Variants in RPS29 observed in about 807,000 individuals in gnomAD.
RPS29 encodes the protein small ribosomal subunit protein uS14.
For synonymous variants in RPS29, 37 were observed against 26.9 expected (o/e 1.37, Z -1.16); for missense variants, 60 against 75.7 (o/e 0.79, Z 0.77).
At chr14:49,580,774 A>G (rs1203211309), downstream of RPS29, among the ~76,000 whole-genome samples, 3 of 151,996 alleles carry the variant, frequency 2.0e-5, no homozygotes, top group East Asian at 1.9e-4. Context: ...AATCCCAGCT[A>G]CCTGGCAGGC....
chr14:49,588,561 TCTGTCGCCCAGG>T (rs912687272), upstream of RPS29, among the ~76,000 whole-genome samples: 3 of 151,864 alleles, frequency 2.0e-5, no homozygotes, highest in Non-Finnish European at 4.4e-5. Flanking sequence ...GGAGTCTCAC[TCTGTCGCCCAGG>T]CTGGAGTGCA....
downstream of RPS29, among the ~76,000 whole-genome samples, chr14:49,581,176 G>A (rs1191723022): frequency 6.6e-6 from 1 of 151,512 alleles, no homozygotes; most frequent in Non-Finnish European, 1.5e-5. Flanking sequence ...GGCAACATGA[G>A]CAAAACTCTA....
Position 49,573,103 on chromosome 14 carries a change from G to GAAAGAAAGAAAGAAAGAAA in RPS29, c.*4708_*4709insTTTCTTTCTTTCTTTCTTT, listed in dbSNP as rs1566473648. On this transcript the variant is annotated 3_prime_UTR_variant, in exon 3 of 3. Transcript: ENST00000396020. ...AAAGAAGAAAGAAAGAAAGAAAGAA[G>GAAAGAAAGAAAGAAAGAAA]GAAAGAAAGAAAGAAAGAAAGAGAA... 191 of 142,556 alleles carry GAAAGAAAGAAAGAAAGAAA rather than the reference G, an allele frequency of 1.3e-3. 2 individuals carry two copies. Among genetic ancestry groups the GAAAGAAAGAAAGAAAGAAA allele is most frequent in the African/African-American group, 4.7e-3 (180 of 38,362 alleles). The allele number at this position is 142,556 out of a possible 1,614,324, so 8.8% of individuals were successfully genotyped here.
upstream of RPS29, chr14:49,586,456 C>T (rs936662880): frequency 1.2e-5 from 11 of 948,678 alleles, no homozygotes; most frequent in Admixed American, 1.3e-4. Context: ...GAAACGCGTG[C>T]GCAGTGTGGT....
chr14:49,578,242 T>C (rs1480134484), intron 2 of RPS29, among the ~76,000 whole-genome samples: 1 of 152,030 alleles, frequency 6.6e-6, no homozygotes, highest in Admixed American at 6.6e-5. Flanking sequence ...CAAAGCAATC[T>C]AAAAATAGAA....
chr14:49,591,261 A>G (rs1594577343), upstream of RPS29, among the ~76,000 whole-genome samples: 1 of 150,890 alleles, frequency 6.6e-6, no homozygotes, highest in East Asian at 1.9e-4. Flanking sequence ...GTCCAAACCA[A>G]CAAGTTAGCA....
downstream of RPS29, chr14:49,583,462 C>T (rs1029646191): frequency 6.6e-6 from 3 of 456,828 alleles, no homozygotes; most frequent in Non-Finnish European, 7.8e-6. Flanking sequence ...GCCGAGATCG[C>T]GCCACTGCAC....
chr14:49,583,517 A>G (rs1881406840), downstream of RPS29: 4 of 835,064 alleles, frequency 4.8e-6, no homozygotes, highest in Admixed American at 3.5e-5. Flanking sequence ...AAAAAAAAAG[A>G]AAAAGATTTC....
chr14:49,594,723 C>T (rs1881783275), intron 1 of RPS29, among the ~76,000 whole-genome samples: 1 of 152,240 alleles, frequency 6.6e-6, no homozygotes, highest in Non-Finnish European at 1.5e-5. Context: ...ACATCCTTCA[C>T]ACATGTCCTC....
rs1881531435 is a variant in RPS29, at chr14:49,585,937, T to C, written c.162+13A>G. The C allele has an allele frequency of 1.2e-6, 2 of 1,606,754 alleles. No individual in the cohort carries two copies. The highest frequency in any genetic ancestry group is 2.2e-5 in the East Asian group (1 of 44,840). On this transcript the variant is annotated intron_variant, in intron 2 of 2. Transcript: ENST00000245458. Reference sequence around the variant, plus strand: ...CTGCCCAAACAACATGGAGTACGCCTGCAGACGCCTACCTTAATGAAACCG... The same window carrying C: ...CTGCCCAAACAACATGGAGTACGCCCGCAGACGCCTACCTTAATGAAACCG...
At chr14:49,582,572 A>G (rs1299653011), downstream of RPS29, among the ~76,000 whole-genome samples, 1 of 152,086 alleles carries the variant, frequency 6.6e-6, no homozygotes, top group Non-Finnish European at 1.5e-5. Context: ...TCAATTGAGA[A>G]GTTTTCATTC....
intron 1 of RPS29, 62 bp downstream of exon 1, chr14:49,586,223 A>G: frequency 6.4e-7 from 1 of 1,559,202 alleles, no homozygotes; most frequent in Non-Finnish European, 8.9e-7. Flanking sequence ...CCTCTACTTG[A>G]GATTTTAAGC....
upstream of RPS29, among the ~76,000 whole-genome samples, chr14:49,590,915 T>C (rs1881696930): frequency 6.6e-6 from 1 of 152,118 alleles, no homozygotes; most frequent in African/African-American, 2.4e-5. Flanking sequence ...GGTCTCGAAC[T>C]TCTGGCCTCT....
chr14:49,586,569 G>T (rs116500768), upstream of RPS29: 1 of 562,886 alleles, frequency 1.8e-6, no homozygotes, highest in South Asian at 2.1e-5. Context: ...ATTCTGCGCC[G>T]GTATCCGACC....
chr14:49,587,695 G>A (rs867386160), upstream of RPS29, among the ~76,000 whole-genome samples: 14 of 152,162 alleles, frequency 9.2e-5, no homozygotes, highest in African/African-American at 2.4e-4. Context: ...AACATACAAC[G>A]TTTGTGCACC....
At chr14:49,579,244 T>C (rs534321742), downstream of RPS29, among the ~76,000 whole-genome samples, 3 of 152,312 alleles carry the variant, frequency 2.0e-5, no homozygotes, top group Non-Finnish European at 2.9e-5. Context: ...GCACCATTTA[T>C]GAGTCAGGAA....
rs553370060 is a variant in RPS29, at chr14:49,591,912, G to A, written c.-132-5434C>T. Among the ~76,000 whole-genome samples, 71 of 151,938 alleles carry A rather than the reference G, an allele frequency of 4.7e-4. 1 individual carries two copies. The highest frequency in any genetic ancestry group is 7.7e-4 in the East Asian group (4 of 5,162). On this transcript the variant is annotated intron_variant, in intron 1 of 3. Coordinates refer to the RPS29 transcript ENST00000556230. ...TGGGATTGCAGGCATGAGCCACCAC[G>A]CCCGGCCCCAATTTGATTTTTTAAA... is the stretch of plus-strand genomic sequence containing the variant.
At chr14:49,598,624 G>C in exon 1 of RPS29, 1 of 701,436 alleles carries the variant, frequency 1.4e-6, no homozygotes, top group Non-Finnish European at 2.6e-6. Context: ...TCGGGAAACA[G>C]CGGCCCGACG....
intron 1 of RPS29, among the ~76,000 whole-genome samples, chr14:49,595,928 G>A (rs904445989): frequency 1.3e-5 from 2 of 151,138 alleles, no homozygotes; most frequent in African/African-American, 4.9e-5. Context: ...CAGGAGAATC[G>A]CTTGAGCCGG....
Sources: allele counts gnomAD v4.1 joint callset (sites outside exome capture counted in the v4.1 genomes callset), GRCh38; gene constraint gnomAD v4.1.1; transcripts MANE v1.5; gene names NCBI Gene and HGNC (gene_info 2026-07-23, HGNC 2026-07-21).